The following CUX2 variants were observed in gnomAD, a reference collection of about 807,000 sequenced individuals.
CUX2 encodes homeobox protein cut-like 2.
A neutral mutation model predicts 144.8 loss-of-function variants in CUX2; 40 were observed. The observed-to-expected ratio is 0.28, with a 90% CI of 0.21 to 0.36. The LOEUF is 0.36. CUX2 is among the 10% of genes least tolerant of loss of function. CUX2 has a pLI of 1.00. For missense variants in CUX2, 1,615 were observed against 1,994.0 expected, an observed-to-expected ratio of 0.81 and a Z score of 3.62; for synonymous variants, 827 against 875.6, an observed-to-expected ratio of 0.94 and a Z score of 0.98.
intron 1 of CUX2, 29 bp from the exon 2 acceptor site, chr12:111,214,171 C>A (rs761980556): frequency 7.6e-6 from 9 of 1,176,544 alleles, no homozygotes; most frequent in Non-Finnish European, 1.1e-5. Context: ...TTCTCTCTCT[C>A]TCTTTTTTTT....
intron 20 of CUX2, among the ~76,000 whole-genome samples, chr12:111,340,053 G>T (rs753481772): frequency 3.3e-5 from 5 of 152,064 alleles, no homozygotes; most frequent in Non-Finnish European, 5.9e-5. Context: ...AAAATTAGCT[G>T]GGCATGGTGA....
intron 3 of CUX2, among the ~76,000 whole-genome samples, chr12:111,239,812 G>C (rs1882937286): frequency 1.3e-5 from 2 of 152,312 alleles, no homozygotes; most frequent in South Asian, 2.1e-4. Context: ...CAGCATCTCT[G>C]TCTGTGTTCT....
intron 3 of CUX2, among the ~76,000 whole-genome samples, chr12:111,241,211 ACT>A (rs1333937726): frequency 6.6e-6 from 1 of 151,912 alleles, no homozygotes; most frequent in Non-Finnish European, 1.5e-5. Flanking sequence ...AGGAAGCAAG[ACT>A]CTTTCACAAC....
At chr12:111,046,541 T>C (rs1434648338) in intron 1 of CUX2, among the ~76,000 whole-genome samples, 13 of 152,206 alleles carry the variant, frequency 8.5e-5, no homozygotes, top group Non-Finnish European at 1.5e-4. Context: ...GTGTTCCTGC[T>C]CTGGACTCAC....
intron 1 of CUX2, among the ~76,000 whole-genome samples, chr12:111,211,597 C>G (rs1209217275): frequency 3.3e-5 from 5 of 152,172 alleles, no homozygotes; most frequent in Non-Finnish European, 7.3e-5. Context: ...AACATAGTGT[C>G]AGACACGGCC....
intron 1 of CUX2, among the ~76,000 whole-genome samples, chr12:111,148,301 C>T (rs1361507369): frequency 6.6e-6 from 1 of 151,072 alleles, no homozygotes; most frequent in Admixed American, 6.6e-5. Context: ...TGTATGATTC[C>T]ACTTACAGGA....
rs1870569018 is a variant in CUX2 at position 111,057,265 on chromosome 12, A to G, written c.63+23025A>G. On this transcript the variant is annotated intron_variant, in intron 1 of 21. Transcript: ENST00000261726. The surrounding 1 kb of genome is among the most constrained non-coding windows in gnomAD (Gnocchi z 5.1). ...GTGTGGGGGAGTCAGTATGACAGGA[A>G]GTTACCAAGCTGGAGTGGATGTTAC... is the stretch of plus-strand genomic sequence containing the variant. Among the ~76,000 whole-genome samples, 1 of 152,030 alleles carries G rather than the reference A, an allele frequency of 6.6e-6. No individual in the cohort carries two copies. Among genetic ancestry groups the G allele is most frequent in the Non-Finnish European group, 1.5e-5 (1 of 68,004 alleles).
chr12:111,044,119 G>A (rs951388039), intron 1 of CUX2, among the ~76,000 whole-genome samples: 6 of 152,114 alleles, frequency 3.9e-5, no homozygotes, highest in Non-Finnish European at 7.4e-5. Flanking sequence ...GGCTCCCTCC[G>A]GCAGGTGCAG....
At chr12:111,162,369 C>T (rs1206678933) in intron 1 of CUX2, among the ~76,000 whole-genome samples, 1 of 152,194 alleles carries the variant, frequency 6.6e-6, no homozygotes, top group Non-Finnish European at 1.5e-5. Flanking sequence ...CTGGTGAGAT[C>T]CTGTTGCAAG....
chr12:111,045,238 C>A (rs372027613), intron 1 of CUX2, among the ~76,000 whole-genome samples: 1 of 152,124 alleles, frequency 6.6e-6, no homozygotes, highest in Non-Finnish European at 1.5e-5. Context: ...AGGGACCCCT[C>A]GTTTATAATC....
chr12:111,098,615 A>G (rs1470219875), intron 1 of CUX2, among the ~76,000 whole-genome samples: 2 of 152,200 alleles, frequency 1.3e-5, no homozygotes, highest in African/African-American at 4.8e-5. Context: ...GCGGAGCCCC[A>G]GTTGACAATA....
At chr12:111,069,549 T>C (rs543445760) in intron 1 of CUX2, among the ~76,000 whole-genome samples, 1,644 of 150,434 alleles carry the variant, frequency 0.011, 33 homozygotes, top group African/African-American at 0.037. Flanking sequence ...TGTGTGTGTG[T>C]GTGCGCGCGC....
intron 1 of CUX2, among the ~76,000 whole-genome samples, chr12:111,187,127 C>T (rs1162477048): frequency 2.6e-5 from 4 of 152,214 alleles, no homozygotes; most frequent in Non-Finnish European, 5.9e-5. Context: ...TTAGAACTTG[C>T]CAGTGCAGAG....
intron 1 of CUX2, among the ~76,000 whole-genome samples, chr12:111,176,759 A>ACTTGTT (rs1209919361): frequency 6.6e-6 from 1 of 152,068 alleles, no homozygotes; most frequent in East Asian, 1.9e-4. Flanking sequence ...TTGGGCTGAA[A>ACTTGTT]CTTGTTCACA....
At chr12:111,291,636 G>A (rs1056399714) in intron 5 of CUX2, 84 bp downstream of exon 5, 30 of 1,417,358 alleles carry the variant, frequency 2.1e-5, no homozygotes, top group Admixed American at 2.8e-5. Context: ...GCCTTGTTGC[G>A]GGGTGGCTGG....
At chr12:111,165,017 G>A (rs116863098) in intron 1 of CUX2, among the ~76,000 whole-genome samples, 1 of 152,132 alleles carries the variant, frequency 6.6e-6, no homozygotes, top group African/African-American at 2.4e-5. Context: ...CAAACCCTGC[G>A]AATAGCATTT....
At chr12:111,102,489 C>T (rs1873314755) in intron 1 of CUX2, among the ~76,000 whole-genome samples, 1 of 152,206 alleles carries the variant, frequency 6.6e-6, no homozygotes, top group South Asian at 2.1e-4. Flanking sequence ...CCACACTGTG[C>T]CCTGAGCCCA....
chr12:111,272,572 C>T (rs1884686010), intron 4 of CUX2, among the ~76,000 whole-genome samples: 1 of 152,200 alleles, frequency 6.6e-6, no homozygotes, highest in Non-Finnish European at 1.5e-5. Context: ...TCAAGCAATT[C>T]TCATGCCTCA....
chr12:111,307,006 A>C lies in CUX2; in HGVS notation c.944A>C (p.Lys315Thr). The change falls in exon 11 of 22, where the codon AAG becomes ACG. Residue 315 changes from lysine (K) to threonine (T), a missense_variant. Around this residue, in one of 12 missense-constraint regions of CUX2, gnomAD observed 295 missense variants for 400.2 expected, o/e 0.74. Transcript: ENST00000261726. This position sits in a 1 kb window ranked among gnomAD's most constrained non-coding sequence, Gnocchi z 4.1. ...GACAGGGAGATCCTGCGGCTGCTGA[A>C]GGACGTGCAGCACCTCCAGAGCTCA... The part of the protein sequence containing the change: ...SKDREILRLL[K>T]DVQHLQSSLQ... 3 of 1,613,848 alleles carry C rather than the reference A, an allele frequency of 1.9e-6. No individual in the cohort carries two copies. Among genetic ancestry groups the C allele is most frequent in the Non-Finnish European group, 2.5e-6 (3 of 1,179,974 alleles).
Sources: allele counts gnomAD v4.1 joint callset (sites outside exome capture counted in the v4.1 genomes callset), GRCh38; gene constraint gnomAD v4.1.1; regional missense constraint gnomAD v4.1.1; non-coding constraint Gnocchi (gnomAD v3.1); transcripts MANE v1.5; gene names NCBI Gene and HGNC (gene_info 2026-07-23, HGNC 2026-07-21).